LRMDA: variants seen among roughly 807,000 people sequenced by gnomAD.
LRMDA encodes leucine-rich melanocyte differentiation-associated protein.
Under a neutral mutation model 29.8 loss-of-function variants are expected in LRMDA, and 18 were observed. The observed-to-expected ratio is 0.60, with a 90% confidence interval of 0.42 to 0.90. The LOEUF is 0.90. Among genes scored for constraint, LRMDA ranks in the 40% least tolerant of loss-of-function variants. The probability of loss-of-function intolerance (pLI) is 0.00; values close to 1 mark genes in which losing one functional copy is unlikely to be tolerated. For missense variants in LRMDA, 273 were observed against 273.9 expected (o/e 1.00, Z 0.02); for synonymous variants, 125 against 109.4 (o/e 1.14, Z -0.89).
intron 2 of LRMDA, among the ~76,000 whole-genome samples, chr10:75,733,783 TTAAG>T (rs1842727700): frequency 6.6e-6 from 1 of 152,148 alleles, no homozygotes; most frequent in South Asian, 2.1e-4. Context: ...TCTTGTGTCT[TTAAG>T]TAGGGTTGGA....
chr10:76,057,370 A>G (rs1848633635), intron 4 of LRMDA, among the ~76,000 whole-genome samples: 1 of 152,228 alleles, frequency 6.6e-6, no homozygotes, highest in Non-Finnish European at 1.5e-5. Flanking sequence ...GGTGATCAAG[A>G]AATATCTGTG....
chr10:75,732,245 C>T (rs764546299), intron 2 of LRMDA, among the ~76,000 whole-genome samples: 37 of 152,176 alleles, frequency 2.4e-4, no homozygotes, highest in Non-Finnish European at 4.3e-4. Context: ...GGATACCTAA[C>T]GACTGGGTAT....
At chr10:75,569,507 CCT>C (rs773621402) in intron 2 of LRMDA, among the ~76,000 whole-genome samples, 2 of 152,150 alleles carry the variant, frequency 1.3e-5, no homozygotes, top group African/African-American at 2.4e-5. Flanking sequence ...ATTATTTTCC[CCT>C]GTCAGTTTAG....
chr10:75,643,768 AATG>A (rs1472378700), intron 2 of LRMDA, among the ~76,000 whole-genome samples: 1 of 152,210 alleles, frequency 6.6e-6, no homozygotes, highest in Non-Finnish European at 1.5e-5. Context: ...TAATTTACAA[AATG>A]ATGATATGCT....
At chr10:76,410,327 G>A (rs1179735028) in intron 6 of LRMDA, among the ~76,000 whole-genome samples, 1 of 5,462 alleles carries the variant, frequency 1.8e-4, no homozygotes, top group South Asian at 3.3e-3. Context: ...TTTTTTTTTT[G>A]AGATAGGGTC....
At chr10:76,446,375 T>A (rs1378279080) in intron 6 of LRMDA, among the ~76,000 whole-genome samples, 2 of 152,178 alleles carry the variant, frequency 1.3e-5, no homozygotes, top group African/African-American at 4.8e-5. Context: ...TGGTTTTTCA[T>A]CTGTGGATTT....
At chr10:75,505,242 T>C (rs542752572) in intron 2 of LRMDA, among the ~76,000 whole-genome samples, 1 of 152,316 alleles carries the variant, frequency 6.6e-6, no homozygotes, top group South Asian at 2.1e-4. Context: ...GGTGGTCTCA[T>C]GGCATTGTAC....
intron 2 of LRMDA, among the ~76,000 whole-genome samples, chr10:75,777,134 A>T (rs1391148073): frequency 6.6e-6 from 1 of 152,176 alleles, no homozygotes; most frequent in Non-Finnish European, 1.5e-5. Context: ...TTATTCAGTG[A>T]TGGTAAACAA....
intron 2 of LRMDA, among the ~76,000 whole-genome samples, chr10:75,681,796 T>G (rs1278808366): frequency 6.6e-6 from 1 of 152,228 alleles, no homozygotes; most frequent in Non-Finnish European, 1.5e-5. Flanking sequence ...AATATGGGCC[T>G]TCTGGCCCTG....
chr10:76,364,423 C>T (rs1841364555), intron 6 of LRMDA, among the ~76,000 whole-genome samples: 1 of 151,968 alleles, frequency 6.6e-6, no homozygotes, highest in African/African-American at 2.4e-5. Context: ...TTATTGCTAT[C>T]CTAGGGGTGG....
chr10:75,927,345 G>T (rs1846137130), intron 2 of LRMDA, among the ~76,000 whole-genome samples: 1 of 152,174 alleles, frequency 6.6e-6, no homozygotes, highest in African/African-American at 2.4e-5. Flanking sequence ...TAAGTCTTCA[G>T]CCTGTAGAGA....
intron 5 of LRMDA, among the ~76,000 whole-genome samples, chr10:76,101,181 T>G (rs1480970987): frequency 1.3e-5 from 2 of 152,200 alleles, no homozygotes; most frequent in Non-Finnish European, 2.9e-5. Flanking sequence ...TACAAAAGTA[T>G]CTATTTATGA....
At chr10:76,440,559 G>A (rs1253632641) in intron 6 of LRMDA, among the ~76,000 whole-genome samples, 3 of 151,832 alleles carry the variant, frequency 2.0e-5, no homozygotes, top group East Asian at 1.9e-4. Flanking sequence ...ATCTTCCCTC[G>A]TTTGTATAAT....
At chr10:75,752,469 C>T (rs909732624) in intron 2 of LRMDA, among the ~76,000 whole-genome samples, 1 of 152,172 alleles carries the variant, frequency 6.6e-6, no homozygotes, top group African/African-American at 2.4e-5. Flanking sequence ...CCTCAGATCC[C>T]AAAGTGCTGG....
At chr10:75,907,024 A>G (rs1407066450) in intron 2 of LRMDA, among the ~76,000 whole-genome samples, 3 of 152,216 alleles carry the variant, frequency 2.0e-5, no homozygotes, top group African/African-American at 7.2e-5. Flanking sequence ...CTTTCCTGGA[A>G]TATACAAGTA....
chr10:75,691,572 T>C (rs565757070), intron 2 of LRMDA, among the ~76,000 whole-genome samples: 4 of 152,248 alleles, frequency 2.6e-5, no homozygotes, highest in East Asian at 3.9e-4. Flanking sequence ...TACTGTCTAA[T>C]TGGGGTGATG....
intron 2 of LRMDA, among the ~76,000 whole-genome samples, chr10:75,526,445 C>A (rs1030560256): frequency 3.3e-5 from 5 of 152,066 alleles, no homozygotes; most frequent in African/African-American, 1.2e-4. Flanking sequence ...ACCCACGAAT[C>A]TTTTGTTTCC....
chr10:76,547,491 C>T (rs943260083), intron 6 of LRMDA, among the ~76,000 whole-genome samples: 10 of 150,738 alleles, frequency 6.6e-5, no homozygotes, highest in African/African-American at 2.4e-4. Context: ...GAATAGTTGC[C>T]GCCATTTATT....
chr10:75,972,502 C>G (rs1009166164), intron 2 of LRMDA, among the ~76,000 whole-genome samples: 2 of 152,150 alleles, frequency 1.3e-5, no homozygotes, highest in Non-Finnish European at 2.9e-5. Flanking sequence ...CAAAAAACCT[C>G]TCTCTGCAAC....
Sources: allele counts gnomAD v4.1 joint callset (sites outside exome capture counted in the v4.1 genomes callset), GRCh38; gene constraint gnomAD v4.1.1; transcripts MANE v1.5; gene names NCBI Gene and HGNC (gene_info 2026-07-23, HGNC 2026-07-21).